SUGP1: variants seen among roughly 807,000 people sequenced by gnomAD.
SUGP1 encodes SURP and G-patch domain containing 1, also known as SURP and G-patch domain-containing protein 1.
Under a neutral mutation model 76.5 loss-of-function variants are expected in SUGP1, and 34 were observed. The ratio of observed to expected loss-of-function variants is 0.44; its 90% CI spans 0.34 to 0.59. The LOEUF is 0.59. SUGP1 is among the 20% of genes least tolerant of loss of function. The pLI is 0.01. For missense variants in SUGP1, 752 were observed against 851.7 expected (o/e 0.88, Z 1.46); for synonymous variants, 326 against 326.2 (o/e 1.00, Z 0.01).
chr19:19,276,903 T>C, intron 13 of SUGP1, 44 bp downstream of exon 13: 1 of 1,608,110 alleles, frequency 6.2e-7, no homozygotes. Flanking sequence ...ACCACCACCC[T>C]CTCCTGTCGA....
At chr19:19,278,162 G>A (rs1344037131) in intron 11 of SUGP1, among the ~76,000 whole-genome samples, 1 of 152,200 alleles carries the variant, frequency 6.6e-6, no homozygotes, top group African/African-American at 2.4e-5. Context: ...TGGTTCACTG[G>A]CAAAGAGAAG....
chr19:19,300,836 A>G (rs1254397175), intron 7 of SUGP1, among the ~76,000 whole-genome samples: 4 of 152,268 alleles, frequency 2.6e-5, no homozygotes, highest in South Asian at 2.1e-4. Flanking sequence ...AAGGACACAC[A>G]GGAGGGCCGG....
At chr19:19,299,459 G>A (rs1483630644) in intron 7 of SUGP1, among the ~76,000 whole-genome samples, 1 of 151,718 alleles carries the variant, frequency 6.6e-6, no homozygotes, top group Non-Finnish European at 1.5e-5. Context: ...TGCAAGCTCC[G>A]CCTCCCGGGT....
At chr19:19,295,225 C>CA (rs202215211) in intron 8 of SUGP1, among the ~76,000 whole-genome samples, 5,145 of 138,976 alleles carry the variant, frequency 0.037, 286 homozygotes, top group African/African-American at 0.12. Context: ...GTCTCTACTA[C>CA]AAAAAAAAAA....
At chr19:19,318,083 T>TG (rs1172649259) in intron 1 of SUGP1, among the ~76,000 whole-genome samples, 1 of 151,102 alleles carries the variant, frequency 6.6e-6, no homozygotes, top group East Asian at 1.9e-4. Context: ...AGCGCTGGAA[T>TG]TACAGGCGTG....
At chr19:19,277,379 G>A (rs1455141646) in intron 12 of SUGP1, among the ~76,000 whole-genome samples, 1 of 152,094 alleles carries the variant, frequency 6.6e-6, no homozygotes, top group East Asian at 1.9e-4. Flanking sequence ...TCGGGGCCAG[G>A]GTCACACCTG....
At chr19:19,292,576 A>T (rs2061194045) in intron 8 of SUGP1, among the ~76,000 whole-genome samples, 2 of 152,098 alleles carry the variant, frequency 1.3e-5, no homozygotes, top group Middle Eastern at 3.4e-3. Context: ...GTGGTGGAAG[A>T]ATTGCTTGAA....
At position 19,303,442 on chromosome 19, in the gene SUGP1, C is replaced by G. The variant is rs1568630582; in HGVS notation, c.669G>C (p.Leu223Phe). ...GGAATTCCCTGCTATTCTTATCGTG[C>G]AAAAATCTGGAGAGGAGGAAGTTTG... ...DYKDNPAFAF[L>F]HDKNSREFLY... Residue 223 changes from leucine (L) to phenylalanine (F), a missense_variant, in exon 6 of 14, where the codon TTG (leucine) becomes TTC (phenylalanine). Transcript: ENST00000247001. 2 of 1,613,804 alleles carry G rather than the reference C, an allele frequency of 1.2e-6. No individual in the cohort carries two copies. Among genetic ancestry groups the G allele is most frequent in the Non-Finnish European group, 1.7e-6 (2 of 1,179,866 alleles).
intron 4 of SUGP1, chr19:19,304,189 C>T (rs2061296926): frequency 3.9e-6 from 2 of 507,882 alleles, no homozygotes; most frequent in South Asian, 4.1e-5. Flanking sequence ...CATCGGTTCC[C>T]TTTCATCCTT....
chr19:19,284,230 G>A (rs2061122193), intron 8 of SUGP1, among the ~76,000 whole-genome samples: 1 of 152,190 alleles, frequency 6.6e-6, no homozygotes, highest in Admixed American at 6.5e-5. Flanking sequence ...CAGAAATGGA[G>A]GTTGCAGTCA....
chr19:19,296,147 T>C (rs949596951), intron 8 of SUGP1, among the ~76,000 whole-genome samples: 4 of 151,518 alleles, frequency 2.6e-5, no homozygotes, highest in South Asian at 2.1e-4. Flanking sequence ...TGAGACCCCG[T>C]CTCCATAAAA....
chr19:19,305,132 C>T (rs1213433067), intron 4 of SUGP1, among the ~76,000 whole-genome samples: 1 of 152,190 alleles, frequency 6.6e-6, no homozygotes, highest in Non-Finnish European at 1.5e-5. Flanking sequence ...CTGATCCGCT[C>T]GGACACACAG....
At chr19:19,298,666 C>A (rs1246888778) in intron 7 of SUGP1, among the ~76,000 whole-genome samples, 4 of 152,066 alleles carry the variant, frequency 2.6e-5, no homozygotes, top group Non-Finnish European at 5.9e-5. Context: ...CACGTGTGAC[C>A]CAGTGAGGAA....
intron 4 of SUGP1, 123 bp from the exon 5 acceptor site, chr19:19,303,970 G>C (rs1271113597): frequency 6.3e-7 from 1 of 1,597,392 alleles, no homozygotes; most frequent in East Asian, 2.2e-5. Context: ...GCAGGAGGCT[G>C]TCGGGCGTCC....
intron 2 of SUGP1, chr19:19,316,201 T>C: frequency 1.7e-6 from 1 of 584,076 alleles, no homozygotes; most frequent in Non-Finnish European, 3.0e-6. Context: ...AGTAAATAAC[T>C]GCTGAGTGGA....
chr19:19,294,510 C>CAAAAAAA (rs58011841), intron 8 of SUGP1, among the ~76,000 whole-genome samples: 1 of 90,434 alleles, frequency 1.1e-5, no homozygotes, highest in Non-Finnish European at 2.2e-5. Flanking sequence ...GAGTGAGACT[C>CAAAAAAA]AAAAAAAAAA....
At chr19:19,302,195 T>G (rs1442711120) in intron 7 of SUGP1, 70 bp downstream of exon 7, 3 of 1,594,672 alleles carry the variant, frequency 1.9e-6, no homozygotes, top group Non-Finnish European at 2.6e-6. Flanking sequence ...ACTATGCTGA[T>G]CCAGTGTCCT....
At chr19:19,300,006 G>A (rs950989516) in intron 7 of SUGP1, among the ~76,000 whole-genome samples, 3 of 151,578 alleles carry the variant, frequency 2.0e-5, no homozygotes, top group Non-Finnish European at 2.9e-5. Context: ...TTGAACTCTC[G>A]ACCTCAGGTG....
intron 8 of SUGP1, among the ~76,000 whole-genome samples, chr19:19,287,313 C>A (rs2061148761): frequency 1.3e-5 from 2 of 152,154 alleles, no homozygotes; most frequent in African/African-American, 2.4e-5. Context: ...GTAATCCCAG[C>A]ATATTGGGAA....
Sources: allele counts gnomAD v4.1 joint callset (sites outside exome capture counted in the v4.1 genomes callset), GRCh38; gene constraint gnomAD v4.1.1; transcripts MANE v1.5; gene names NCBI Gene and HGNC (gene_info 2026-07-23, HGNC 2026-07-21).